The following SMARCC2 variants were observed in gnomAD, a reference collection of about 807,000 sequenced individuals.
SMARCC2 encodes the protein SWI/SNF related BAF chromatin remodeling complex subunit C2.
A neutral mutation model predicts 151.3 loss-of-function variants in SMARCC2; 15 were observed. The ratio of observed to expected loss-of-function variants is 0.10; its 90% CI spans 0.07 to 0.15. The LOEUF (loss-of-function observed/expected upper bound fraction) is 0.15. Ranked by LOEUF, SMARCC2 falls within the 10% of genes least tolerant of loss-of-function variation. The probability of loss-of-function intolerance (pLI) is 1.00; values close to 1 mark genes in which losing one functional copy is unlikely to be tolerated. For missense variants in SMARCC2, 1,031 were observed against 1,599.7 expected (o/e 0.64, Z 6.06); for synonymous variants, 590 against 609.5 (o/e 0.97, Z 0.47).
rs1229464293 is a variant in SMARCC2, at chr12:56,162,383, T to TAAA, written c.*1303_*1305dup. 62 of 459,966 alleles carry TAAA rather than the reference T, an allele frequency of 1.3e-4. No individual in the cohort carries two copies. Among genetic ancestry groups the TAAA allele is most frequent in the South Asian group, 2.5e-4 (10 of 39,476 alleles). 28.5% of individuals were successfully genotyped at this position (459,966 alleles called of 1,614,324 possible). A position where few individuals can be genotyped will look rare whatever the true frequency, so the allele number is the denominator to read the frequency against. On this transcript the variant is annotated 3_prime_UTR_variant, in exon 29 of 29. Coordinates refer to ENST00000550164, the MANE Select transcript of SMARCC2 (RefSeq NM_001330288.2). ...ATGGAACTGAAAGCAAATTAATTTATAAAAAAAAAAAAAAGAAAGAAAGAA... is the reference window on the plus strand; with the variant it reads ...ATGGAACTGAAAGCAAATTAATTTATAAAAAAAAAAAAAAAAAGAAAGAAAGAA...
chr12:56,170,756 G>A (rs193188315), intron 22 of SMARCC2, among the ~76,000 whole-genome samples: 9 of 112,774 alleles, frequency 8.0e-5, no homozygotes, highest in East Asian at 2.6e-4. Context: ...TTTGAGAGAC[G>A]AAGTCTTGCT....
At chr12:56,174,419 G>C in intron 16 of SMARCC2, 1 of 428,050 alleles carries the variant, frequency 2.3e-6, no homozygotes, top group Non-Finnish European at 4.2e-6. Flanking sequence ...GCCTGAACCA[G>C]TATCTTTCAA....
At chr12:56,169,441 G>GT in intron 25 of SMARCC2, 88 bp downstream of exon 25, 1 of 1,435,692 alleles carries the variant, frequency 7.0e-7, no homozygotes, top group South Asian at 1.3e-5. Flanking sequence ...ATTATTTAAG[G>GT]TGTGAGTGAG....
chr12:56,176,479 ATCTT>A (rs1238134105), intron 15 of SMARCC2, among the ~76,000 whole-genome samples: 1 of 152,032 alleles, frequency 6.6e-6, no homozygotes. Flanking sequence ...CTGAGGCAAA[ATCTT>A]TTTTTTTTTC....
At chr12:56,188,131 C>CA (rs1442249667) in intron 1 of SMARCC2, among the ~76,000 whole-genome samples, 2 of 152,124 alleles carry the variant, frequency 1.3e-5, no homozygotes, top group Admixed American at 6.5e-5. Context: ...AGGTAAATGA[C>CA]AAAGAGCTAA....
intron 23 of SMARCC2, 27 bp from the exon 24 acceptor site, chr12:56,169,938 A>C: frequency 1.2e-6 from 2 of 1,607,420 alleles, no homozygotes; most frequent in Non-Finnish European, 1.7e-6. Context: ...AGAAAAGGAG[A>C]GTTATCAGGG....
rs769635508 is a variant in SMARCC2 at position 56,186,212 on chromosome 12, C to T, written c.260G>A (p.Gly87Glu). The T allele has an allele frequency of 6.2e-7, 1 of 1,612,856 alleles. No homozygotes were observed. The highest frequency in any genetic ancestry group is 8.5e-7 in the Non-Finnish European group (1 of 1,178,828). Residue 87 changes from glycine (G) to glutamate (E), a missense_variant, in exon 3 of 29, where the codon GGA becomes GAA. Transcript: ENST00000550164. ...PIKCFLDFKA[G>E]GSLCHILAAA... ...TGCAAGAATGTGGCACAAGGAGCCT[C>T]CCGCTTTGAAATCTAGGAAACATTT... is the stretch of plus-strand genomic sequence containing the variant.
In SMARCC2 at chr12:56,165,324, GT is replaced by G. The variant is rs1565891464; in HGVS notation, c.3225del (p.His1077MetfsTer15). 1 of 1,494,042 alleles carries G rather than the reference GT, an allele frequency of 6.7e-7. No individual in the cohort carries two copies. Among genetic ancestry groups the G allele is most frequent in the Admixed American group, 2.4e-5 (1 of 40,872 alleles). 92.5% of individuals were successfully genotyped at this position (1,494,042 alleles called of 1,614,324 possible). On this transcript the variant is annotated frameshift_variant, in exon 27 of 29. Coordinates refer to ENST00000550164, the MANE Select transcript of SMARCC2 (RefSeq NM_001330288.2). LOFTEE classifies it high-confidence loss of function. The stretch of plus-strand genomic sequence containing the variant: ...TCTGGAACATAACACTTACCATGGG[GT>G]CCAGGGGGGGGAACCCCTGGTGGGA... The part of the protein sequence containing the change: ...GAVPPGVPPP[G>X]PHGPSPFPNQ...
chr12:56,181,434 G>T, intron 10 of SMARCC2, 48 bp downstream of exon 10: 3 of 1,150,126 alleles, frequency 2.6e-6, no homozygotes, highest in Non-Finnish European at 3.7e-6. Context: ...CCTTCAACAT[G>T]ATGTGGAGAG....
intron 16 of SMARCC2, 43 bp downstream of exon 16, chr12:56,174,608 A>G (rs1874579252): frequency 8.0e-7 from 1 of 1,254,640 alleles, no homozygotes; most frequent in African/African-American, 1.5e-5. Flanking sequence ...ATCCATAGGC[A>G]GGCATCCTCA....
In SMARCC2 at chr12:56,168,107, G is replaced by A. The variant is rs925020679; in HGVS notation, c.2803C>T (p.Arg935Trp). The A allele has an allele frequency of 5.0e-6, 8 of 1,614,046 alleles. No homozygotes were observed. The highest frequency in any genetic ancestry group is 6.8e-6 in the Non-Finnish European group (8 of 1,180,026). Residue 935 changes from arginine to tryptophan, a missense_variant, in exon 26 of 29, where the codon CGG becomes TGG. This residue lies in a region of SMARCC2 where 49 missense variants were observed against 134.8 expected (regional missense o/e 0.36). Transcript: ENST00000550164. ...ATAGTCTCCAGCTCCTCAAAGTGCCGAAGTTTGATCTCCAACTTTTTCATC... is the reference window on the plus strand; with the variant it reads ...ATAGTCTCCAGCTCCTCAAAGTGCCAAAGTTTGATCTCCAACTTTTTCATC... ...TQMKKLEIKLRHFEELETIMD... is the reference protein window; with the variant it reads ...TQMKKLEIKLWHFEELETIMD...
Position 56,171,258 on chromosome 12 carries a change from T to C in SMARCC2, c.2347+13A>G. On this transcript the variant is annotated intron_variant, in intron 22 of 28. Coordinates refer to ENST00000550164, the MANE Select transcript of SMARCC2 (RefSeq NM_001330288.2). This position sits in a 1 kb window ranked among gnomAD's most constrained non-coding sequence, Gnocchi z 4.2. ...GTGAAAGGCAAGAAATCTGGGAACC[T>C]GCCTGGCCTTACCAATCCGCTCAGG... The C allele has an allele frequency of 6.2e-7, 1 of 1,613,756 alleles. No homozygotes were observed. The highest frequency in any genetic ancestry group is 1.1e-5 in the South Asian group (1 of 91,074).
intron 28 of SMARCC2, 53 bp from the exon 29 acceptor site, chr12:56,163,818 A>C: frequency 8.3e-7 from 1 of 1,203,754 alleles, no homozygotes; most frequent in South Asian, 1.6e-5. Context: ...AGATGGCTCC[A>C]GACCCAGACC....
At position 56,171,785 on chromosome 12, in the gene SMARCC2, T is replaced by C; in HGVS notation, c.2079A>G (p.Gln693=). 3.7e-6 allele frequency: 6 copies of C among 1,613,546 alleles called. No individual in the cohort carries two copies. Among genetic ancestry groups the C allele is most frequent in the Non-Finnish European group, 5.1e-6 (6 of 1,179,724 alleles). Residue 693 remains glutamine, a synonymous_variant, in exon 21 of 29, where the codon CAA becomes CAG. Transcript: ENST00000550164. This position sits in a 1 kb window ranked among gnomAD's most constrained non-coding sequence, Gnocchi z 4.2. ...SEASLGPLAY[Q]PIPFSQSGNP... ...TGCCCGACTGACTGAAGGGGATGGG[T>C]TGGTAGGCCAGGGGGCCTAGGGAGG...
At position 56,171,180 on chromosome 12, in the gene SMARCC2, T is replaced by C. The variant is rs1873886721; in HGVS notation, c.2347+91A>G. On this transcript the variant is annotated intron_variant, in intron 22 of 28. Coordinates refer to ENST00000550164, the MANE Select transcript of SMARCC2 (RefSeq NM_001330288.2). This position sits in a 1 kb window ranked among gnomAD's most constrained non-coding sequence, Gnocchi z 4.2. ...CAATGTTCTCATTCATGTTGTGCTC[T>C]AATGCCAACTTGAGGCAGAAATGGC... 7.7e-7 allele frequency: 1 copy of C among 1,303,746 alleles called. No individual in the cohort carries two copies. The highest frequency in any genetic ancestry group is 1.2e-5 in the South Asian group (1 of 81,118). The allele number at this position is 1,303,746 out of a possible 1,614,324, so 80.8% of individuals were successfully genotyped here.
intron 27 of SMARCC2, among the ~76,000 whole-genome samples, chr12:56,165,073 G>A (rs1872535226): frequency 6.6e-6 from 1 of 152,178 alleles, no homozygotes; most frequent in South Asian, 2.1e-4. Context: ...TACAAACAAG[G>A]ATAATCTAGC....
intron 11 of SMARCC2, among the ~76,000 whole-genome samples, chr12:56,180,331 G>T (rs1302661879): frequency 2.0e-5 from 3 of 150,942 alleles, no homozygotes; most frequent in Non-Finnish European, 2.9e-5. Flanking sequence ...GGATGGTCTC[G>T]ATCTCCTGAC....
chr12:56,170,684 G>C (rs1363363318), intron 22 of SMARCC2, among the ~76,000 whole-genome samples: 2 of 150,400 alleles, frequency 1.3e-5, no homozygotes, highest in South Asian at 2.1e-4. Context: ...CAAAGTACTG[G>C]GATTACAGGC....
Position 56,181,045 on chromosome 12 carries a change from T to A in SMARCC2, c.1013A>T (p.Asp338Val). 2 of 1,613,878 alleles carry A rather than the reference T, an allele frequency of 1.2e-6. No homozygotes were observed. The highest frequency in any genetic ancestry group is 1.7e-5 in the Admixed American group (1 of 59,998). ...GGGCTCGTCCATGTCCTTTGTCAGG[T>A]CTTCTTGCTCCTCTTCTCTGTGGCC... ...KRGHREEEQE[D>V]LTKDMDEPSP... Residue 338 changes from aspartate (D) to valine (V), a missense_variant, in exon 11 of 29, where the codon GAC becomes GTC. Physicochemically the swap from Asp to Val is radical, Grantham distance 152. This residue lies in a region of SMARCC2 where 127 missense variants were observed against 141.7 expected (regional missense o/e 0.90). Coordinates refer to ENST00000550164, the MANE Select transcript of SMARCC2 (RefSeq NM_001330288.2).
Sources: allele counts gnomAD v4.1 joint callset (sites outside exome capture counted in the v4.1 genomes callset), GRCh38; gene constraint gnomAD v4.1.1; regional missense constraint gnomAD v4.1.1; non-coding constraint Gnocchi (gnomAD v3.1); transcripts MANE v1.5; gene names NCBI Gene and HGNC (gene_info 2026-07-23, HGNC 2026-07-21).